Variants in GREB1L observed in about 807,000 individuals in gnomAD.
GREB1L encodes the protein GREB1-like protein.
GREB1L carries 17 observed loss-of-function variants against 200.8 expected under a neutral mutation model. The ratio of observed to expected loss-of-function variants is 0.08; its 90% confidence interval spans 0.06 to 0.13. The LOEUF is 0.13. Ranked by LOEUF, GREB1L falls within the 10% of genes least tolerant of loss-of-function variation. The pLI is 1.00. For synonymous variants in GREB1L, 789 were observed against 893.0 expected, an observed-to-expected ratio of 0.88 and a Z score of 2.08; for missense variants, 1,657 against 2,367.7, an observed-to-expected ratio of 0.70 and a Z score of 6.23.
intron 1 of GREB1L, among the ~76,000 whole-genome samples, chr18:21,283,205 C>G (rs1281748346): frequency 6.6e-6 from 1 of 152,110 alleles, no homozygotes; most frequent in Non-Finnish European, 1.5e-5. Context: ...GGGAACCTAT[C>G]AGTTATTTGT....
In GREB1L at chr18:21,317,086, T is replaced by A. The variant is rs191244408; in HGVS notation, c.-119-48941T>A. On this transcript the variant is annotated intron_variant, in intron 1 of 32. Coordinates refer to ENST00000424526, the MANE Select transcript of GREB1L (RefSeq NM_001142966.3). ...CCAGGAGTCTTCTTTTCTAATATAT[T>A]TTTTTAAATCTCCTATCCAAGCGGG... 9.5e-4 allele frequency among the ~76,000 whole-genome samples: 145 copies of A among 151,994 alleles called. 1 individual carries two copies. The highest frequency in any genetic ancestry group is 3.0e-3 in the African/African-American group (123 of 41,464).
In GREB1L at chr18:21,414,986, C is replaced by T. The variant is rs371872159; in HGVS notation, c.832+10992C>T. Reference sequence around the variant, plus strand: ...CCCAAGCTTGCTGTCTTCACAATTTCTAGACCATGATATAGGGAGAGGAAA... The same window carrying T: ...CCCAAGCTTGCTGTCTTCACAATTTTTAGACCATGATATAGGGAGAGGAAA... On this transcript the variant is annotated intron_variant, in intron 7 of 32. Coordinates refer to ENST00000424526, the MANE Select transcript of GREB1L (RefSeq NM_001142966.3). Among the ~76,000 whole-genome samples, 26 of 152,260 alleles carry T rather than the reference C, an allele frequency of 1.7e-4. No homozygotes were observed. In the Middle Eastern group the frequency reaches 0.024, roughly 139 times the overall value.
At position 21,460,299 on chromosome 18, in the gene GREB1L, C is replaced by T. The variant is rs565423284; in HGVS notation, c.2182+5736C>T. On this transcript the variant is annotated intron_variant, in intron 15 of 32. Coordinates refer to ENST00000424526, the MANE Select transcript of GREB1L (RefSeq NM_001142966.3). Reference sequence around the variant, plus strand: ...AAGCAATTCTTCTACCTCAGCCTCCCGAGTAGCTGGGATTACAGGCATGTG... The same window carrying T: ...AAGCAATTCTTCTACCTCAGCCTCCTGAGTAGCTGGGATTACAGGCATGTG... Among the ~76,000 whole-genome samples the T allele has an allele frequency of 4.6e-5, 7 of 152,068 alleles. No homozygotes were observed. In the East Asian group the frequency reaches 5.8e-4, roughly 13 times the overall value.
chr18:21,272,494 A>C (rs1305520666), intron 1 of GREB1L, among the ~76,000 whole-genome samples: 1 of 152,230 alleles, frequency 6.6e-6, no homozygotes, highest in Non-Finnish European at 1.5e-5. Context: ...CAAATGTAAA[A>C]AATGGCTTTC....
intron 5 of GREB1L, among the ~76,000 whole-genome samples, chr18:21,397,223 G>A (rs576527345): frequency 3.3e-5 from 5 of 151,778 alleles, no homozygotes; most frequent in African/African-American, 1.2e-4. Flanking sequence ...GGCCTGGCAC[G>A]GTGGCTCACG....
intron 5 of GREB1L, among the ~76,000 whole-genome samples, chr18:21,398,981 A>G (rs2041199337): frequency 6.6e-6 from 1 of 152,244 alleles, no homozygotes. Flanking sequence ...AATGGACTGT[A>G]GGATTCTAAC....
Position 21,515,563 on chromosome 18 carries a change from C to T in GREB1L, c.5048C>T (p.Ala1683Val). ...SSKLTSQSLK[A>V]PFSRCHVHDF... is the part of the protein sequence containing the mutation. Reference sequence around the variant, plus strand: ...AAGCTGACTTCTCAGAGCCTAAAGGCCCCATTCTCTAGGTGTCACGTGCAT... The same window carrying T: ...AAGCTGACTTCTCAGAGCCTAAAGGTCCCATTCTCTAGGTGTCACGTGCAT... Residue 1683 changes from alanine (A) to valine (V), a missense_variant, in exon 29 of 33, where the codon GCC (alanine) becomes GTC (valine). Transcript: ENST00000424526. 6.4e-7 allele frequency: 1 copy of T among 1,551,664 alleles called. No homozygotes were observed. Among genetic ancestry groups the T allele is most frequent in the South Asian group, 1.2e-5 (1 of 84,066 alleles).
At chr18:21,318,959 G>A (rs899440035) in intron 1 of GREB1L, among the ~76,000 whole-genome samples, 4 of 152,176 alleles carry the variant, frequency 2.6e-5, no homozygotes, top group Non-Finnish European at 4.4e-5. Flanking sequence ...GGACTTCACC[G>A]CATGGAGAGG....
At chr18:21,503,581 T>C (rs2036890210) in intron 23 of GREB1L, among the ~76,000 whole-genome samples, 1 of 146,936 alleles carries the variant, frequency 6.8e-6, no homozygotes, top group African/African-American at 2.5e-5. Context: ...ATTATTATTA[T>C]TATTATTATT....
At chr18:21,456,263 G>C (rs906832961) in intron 15 of GREB1L, among the ~76,000 whole-genome samples, 1 of 152,178 alleles carries the variant, frequency 6.6e-6, no homozygotes, top group African/African-American at 2.4e-5. Context: ...ACCACACTTT[G>C]AGTAGCATGG....
intron 29 of GREB1L, 30 bp downstream of exon 29, chr18:21,515,674 C>A: frequency 2.1e-6 from 3 of 1,459,434 alleles, no homozygotes; most frequent in South Asian, 1.2e-5. Flanking sequence ...TGCAGGTAAT[C>A]CTGGCATCTA....
At chr18:21,483,605 G>T (rs193217370) in intron 17 of GREB1L, among the ~76,000 whole-genome samples, 10 of 152,026 alleles carry the variant, frequency 6.6e-5, no homozygotes, top group Admixed American at 5.2e-4. Context: ...ATTAAAAGCT[G>T]CCAGTTAAAA....
chr18:21,504,590 C>G (rs2036936052), intron 23 of GREB1L, among the ~76,000 whole-genome samples: 1 of 152,304 alleles, frequency 6.6e-6, no homozygotes, highest in Admixed American at 6.5e-5. Flanking sequence ...GGTTCCAGCA[C>G]TTTGGGAGGC....
intron 27 of GREB1L, among the ~76,000 whole-genome samples, chr18:21,512,789 C>CTG (rs1025328994): frequency 6.6e-6 from 1 of 152,060 alleles, no homozygotes; most frequent in African/African-American, 2.4e-5. Context: ...ATGATGTTAG[C>CTG]TGTGGGCTTT....
At chr18:21,505,609 G>T (rs1045072683) in intron 24 of GREB1L, 42 bp downstream of exon 24, 1 of 1,544,204 alleles carries the variant, frequency 6.5e-7, no homozygotes, top group African/African-American at 1.4e-5. Context: ...CTGGGTTAAG[G>T]GGACACTAGC....
At chr18:21,365,801 A>G (rs2039664762) in intron 1 of GREB1L, among the ~76,000 whole-genome samples, 1 of 152,100 alleles carries the variant, frequency 6.6e-6, no homozygotes. Flanking sequence ...ATTATCTTTG[A>G]GTATATATAA....
chr18:21,328,239 A>C (rs1278287192), intron 1 of GREB1L, among the ~76,000 whole-genome samples: 1 of 151,588 alleles, frequency 6.6e-6, no homozygotes, highest in Non-Finnish European at 1.5e-5. Flanking sequence ...AGCCCTAATC[A>C]CACTGGATGG....
At position 21,449,666 on chromosome 18, in the gene GREB1L, T is replaced by C; in HGVS notation, c.1550T>C (p.Val517Ala). 6.4e-7 allele frequency: 1 copy of C among 1,551,716 alleles called. No homozygotes were observed. ...LPWLARLIAS[V>A]SQDLVHVVVT... ...TGGCTTGCTAGATTAATTGCCAGCG[T>C]ATCTCAAGACTTGGTTCATGTGGTT... Residue 517 changes from valine (V) to alanine (A), a missense_variant, in exon 12 of 33, where the codon GTA becomes GCA. By Grantham distance (64) the Val-to-Ala change is moderately conservative. This residue lies in a region of GREB1L where 289 missense variants were observed against 345.1 expected (regional missense o/e 0.84). Transcript: ENST00000424526.
intron 5 of GREB1L, among the ~76,000 whole-genome samples, chr18:21,400,653 A>T (rs2041279746): frequency 1.3e-5 from 2 of 152,170 alleles, no homozygotes; most frequent in Non-Finnish European, 1.5e-5. Flanking sequence ...ATTTATTTCA[A>T]AATTCCAGGA....
Sources: allele counts gnomAD v4.1 joint callset (sites outside exome capture counted in the v4.1 genomes callset), GRCh38; gene constraint gnomAD v4.1.1; regional missense constraint gnomAD v4.1.1; transcripts MANE v1.5; gene names NCBI Gene and HGNC (gene_info 2026-07-23, HGNC 2026-07-21).